Variants in LHFPL2 observed in about 807,000 individuals in gnomAD.
The protein encoded by LHFPL2 is LHFPL tetraspan subfamily member 2.
A neutral mutation model predicts 17.5 loss-of-function variants in LHFPL2; 7 were observed. The observed-to-expected ratio is 0.40, with a 90% CI of 0.23 to 0.75. The LOEUF is 0.75. LHFPL2 is among the 30% of genes least tolerant of loss of function. The pLI, the probability that LHFPL2 is intolerant of heterozygous loss-of-function variation, is 0.37. For synonymous variants in LHFPL2, 134 were observed against 116.2 expected (o/e 1.15, Z -0.99); for missense variants, 241 against 294.8 (o/e 0.82, Z 1.34).
chr5:78,517,029 C>T (rs1755314099), intron 3 of LHFPL2, among the ~76,000 whole-genome samples: 1 of 152,224 alleles, frequency 6.6e-6, no homozygotes, highest in African/African-American at 2.4e-5. Context: ...TCCTCTCCTC[C>T]AGAGTTGGGC....
chr5:78,607,280 T>C (rs1335112514), intron 2 of LHFPL2, among the ~76,000 whole-genome samples: 1 of 151,502 alleles, frequency 6.6e-6, no homozygotes, highest in Non-Finnish European at 1.5e-5. Context: ...CTCCGGCTAA[T>C]TTTTGTATTC....
intron 1 of LHFPL2, among the ~76,000 whole-genome samples, chr5:78,633,869 TCTC>T (rs1053573608): frequency 6.6e-6 from 1 of 151,822 alleles, no homozygotes; most frequent in African/African-American, 2.4e-5. Flanking sequence ...TTTAGACATT[TCTC>T]CTCCCACCTA....
intron 2 of LHFPL2, among the ~76,000 whole-genome samples, chr5:78,593,422 C>T (rs1204705736): frequency 6.6e-5 from 10 of 152,102 alleles, no homozygotes; most frequent in Admixed American, 2.6e-4. Flanking sequence ...TTAAAGGCCC[C>T]AGCTGTCTCT....
chr5:78,567,024 A>G (rs1756877084), intron 2 of LHFPL2, among the ~76,000 whole-genome samples: 1 of 152,324 alleles, frequency 6.6e-6, no homozygotes, highest in South Asian at 2.1e-4. Flanking sequence ...AAATTCAAAG[A>G]TAACATTTTT....
chr5:78,546,374 T>G (rs896758110), intron 3 of LHFPL2, among the ~76,000 whole-genome samples: 1 of 152,196 alleles, frequency 6.6e-6, no homozygotes, highest in African/African-American at 2.4e-5. Context: ...ACGGCAGCAG[T>G]GTATGCAAGG....
chr5:78,545,621 G>A (rs1756249427), intron 3 of LHFPL2, among the ~76,000 whole-genome samples: 1 of 152,196 alleles, frequency 6.6e-6, no homozygotes, highest in African/African-American at 2.4e-5. Flanking sequence ...GATGCGTGGA[G>A]GCCGATCATT....
chr5:78,599,323 G>A (rs914139913), intron 2 of LHFPL2, among the ~76,000 whole-genome samples: 1 of 152,150 alleles, frequency 6.6e-6, no homozygotes, highest in African/African-American at 2.4e-5. Context: ...GTTGCGGACA[G>A]AGTTTTGCTC....
At chr5:78,531,086 A>G (rs1179862214) in intron 3 of LHFPL2, among the ~76,000 whole-genome samples, 1 of 152,218 alleles carries the variant, frequency 6.6e-6, no homozygotes, top group Non-Finnish European at 1.5e-5. Flanking sequence ...GATAAATAAT[A>G]TTTTATTATA....
At chr5:78,528,384 G>A (rs1755681786) in intron 3 of LHFPL2, among the ~76,000 whole-genome samples, 1 of 152,204 alleles carries the variant, frequency 6.6e-6, no homozygotes, top group Non-Finnish European at 1.5e-5. Flanking sequence ...GATTCTCATA[G>A]GAGCACAAAC....
At chr5:78,575,217 A>G (rs1757098995) in intron 2 of LHFPL2, among the ~76,000 whole-genome samples, 1 of 152,216 alleles carries the variant, frequency 6.6e-6, no homozygotes, top group African/African-American at 2.4e-5. Context: ...CATTTGAAAG[A>G]AAGGGTTTTG....
intron 2 of LHFPL2, among the ~76,000 whole-genome samples, chr5:78,565,367 A>G (rs1366169411): frequency 6.6e-6 from 1 of 152,248 alleles, no homozygotes; most frequent in African/African-American, 2.4e-5. Context: ...AAGTGGAAAA[A>G]GGGCCATTTT....
rs147368989 is a variant in LHFPL2, at chr5:78,633,925, C to A, written c.-349-1557G>T. Among the ~76,000 whole-genome samples the A allele has an allele frequency of 8.6e-3, 1,314 of 152,164 alleles. 7 individuals are homozygous for A. The highest frequency in any genetic ancestry group is 0.015 in the Non-Finnish European group (1,017 of 67,994). ...CTCCATAAATGAAACAGTGAGGTCG[C>A]CCTGGAAGGCTCCATGTGGTTTTAT... On this transcript the variant is annotated intron_variant, in intron 1 of 4. Transcript: ENST00000380345.
chr5:78,604,323 C>CA (rs11372365), intron 2 of LHFPL2, among the ~76,000 whole-genome samples: 151,981 of 151,988 alleles, frequency 1, 75,987 homozygotes, highest in Middle Eastern at 1. Context: ...ACTAAAAATA[C>CA]AAAATTGGCT....
Position 78,485,480 on chromosome 5 carries a change from A to G in LHFPL2, c.*3417T>C, listed in dbSNP as rs1754207983. The G allele has an allele frequency of 6.6e-6, 1 of 152,602 alleles. No homozygotes were observed. The highest frequency in any genetic ancestry group is 2.4e-5 in the African/African-American group (1 of 41,444). The allele number at this position is 152,602 out of a possible 1,614,324, so 9.5% of individuals were successfully genotyped here. ...TACTGACCCCCTCAGCCTTGGAAGGAGTTTCACCACAGTCTCAGAAGAAAT... is the reference window on the plus strand; with the variant it reads ...TACTGACCCCCTCAGCCTTGGAAGGGGTTTCACCACAGTCTCAGAAGAAAT... On this transcript the variant is annotated 3_prime_UTR_variant, in exon 5 of 5. Coordinates refer to ENST00000380345, the MANE Select transcript of LHFPL2 (RefSeq NM_005779.3).
At chr5:78,506,407 C>A (rs969656159) in intron 4 of LHFPL2, among the ~76,000 whole-genome samples, 1 of 152,242 alleles carries the variant, frequency 6.6e-6, no homozygotes, top group Non-Finnish European at 1.5e-5. Context: ...GCAACAGCCT[C>A]CTTTCTCACC....
chr5:78,589,074 C>T (rs1389549569), intron 2 of LHFPL2, among the ~76,000 whole-genome samples: 5 of 152,126 alleles, frequency 3.3e-5, no homozygotes, highest in Non-Finnish European at 2.9e-5. Flanking sequence ...CAGGTGGCAG[C>T]CAGGATTCAA....
chr5:78,540,995 G>A (rs760802214), intron 3 of LHFPL2, among the ~76,000 whole-genome samples: 1 of 152,190 alleles, frequency 6.6e-6, no homozygotes, highest in South Asian at 2.1e-4. Context: ...TTATGGAAGC[G>A]TTTTAAGCAC....
intron 3 of LHFPL2, among the ~76,000 whole-genome samples, chr5:78,541,925 T>G (rs1290890946): frequency 6.6e-6 from 1 of 152,196 alleles, no homozygotes; most frequent in Non-Finnish European, 1.5e-5. Context: ...TACATTTTTT[T>G]TATAAAAAGC....
At chr5:78,587,863 GTGGCCTCCC>G (rs1351289138) in intron 2 of LHFPL2, among the ~76,000 whole-genome samples, 1 of 152,212 alleles carries the variant, frequency 6.6e-6, no homozygotes, top group Non-Finnish European at 1.5e-5. Flanking sequence ...CCTTCTGGCT[GTGGCCTCCC>G]TGGCCCACCT....
Sources: allele counts gnomAD v4.1 joint callset (sites outside exome capture counted in the v4.1 genomes callset), GRCh38; gene constraint gnomAD v4.1.1; transcripts MANE v1.5; gene names NCBI Gene and HGNC (gene_info 2026-07-23, HGNC 2026-07-21).